The following ST18 variants were observed in gnomAD, a reference collection of about 807,000 sequenced individuals.
The protein encoded by ST18 is suppression of tumorigenicity 18 protein.
Under a neutral mutation model 110.0 loss-of-function variants are expected in ST18, and 50 were observed. The ratio of observed to expected loss-of-function variants is 0.45; its 90% CI spans 0.36 to 0.58. ST18 has a LOEUF of 0.58. ST18 is among the 20% of genes least tolerant of loss of function. The pLI is 0.00. For missense variants in ST18, 1,306 were observed against 1,280.1 expected (o/e 1.02, Z -0.31); for synonymous variants, 461 against 452.4 (o/e 1.02, Z -0.24).
intron 2 of ST18, among the ~76,000 whole-genome samples, chr8:52,318,498 A>G (rs900295587): frequency 4.6e-5 from 7 of 152,202 alleles, no homozygotes; most frequent in Non-Finnish European, 7.3e-5. Flanking sequence ...CAATTCCTCA[A>G]AGACCTAGAG....
intron 2 of ST18, chr8:52,407,241 C>CA (rs1316074830): frequency 6.6e-6 from 1 of 151,930 alleles, no homozygotes; most frequent in Non-Finnish European, 1.5e-5. Context: ...AATGTATGTC[C>CA]AATGTAGAGT....
intron 16 of ST18, among the ~76,000 whole-genome samples, chr8:52,145,678 GTA>G (rs2056998960): frequency 6.6e-6 from 1 of 152,124 alleles, no homozygotes; most frequent in Admixed American, 6.5e-5. Flanking sequence ...AGAGGATGTG[GTA>G]TATATGTGTG....
intron 2 of ST18, among the ~76,000 whole-genome samples, chr8:52,231,154 T>C (rs565554131): frequency 2.0e-5 from 3 of 152,354 alleles, no homozygotes; most frequent in African/African-American, 4.8e-5. Flanking sequence ...TGTATGTGTA[T>C]GTATGCATAT....
chr8:52,371,969 G>A (rs1290788386), intron 2 of ST18, among the ~76,000 whole-genome samples: 2 of 152,104 alleles, frequency 1.3e-5, no homozygotes, highest in African/African-American at 4.8e-5. Flanking sequence ...ATTTTAGAGT[G>A]TACTCCTTCT....
intron 2 of ST18, among the ~76,000 whole-genome samples, chr8:52,380,612 C>A (rs192679157): frequency 6.6e-6 from 1 of 152,198 alleles, no homozygotes; most frequent in East Asian, 1.9e-4. Context: ...AGGCAAATCC[C>A]AATCTCACAG....
chr8:52,250,102 C>T (rs2094170116), intron 2 of ST18, among the ~76,000 whole-genome samples: 1 of 151,956 alleles, frequency 6.6e-6, no homozygotes, highest in African/African-American at 2.4e-5. Flanking sequence ...TGAATGACGA[C>T]AGCTGTCCAT....
chr8:52,348,115 G>T (rs1818556421), intron 2 of ST18, among the ~76,000 whole-genome samples: 1 of 152,058 alleles, frequency 6.6e-6, no homozygotes, highest in African/African-American at 2.4e-5. Context: ...TGGAGGAAAG[G>T]GAAGGAAGAG....
At chr8:52,212,867 A>T (rs560019912) in intron 7 of ST18, among the ~76,000 whole-genome samples, 9 of 152,344 alleles carry the variant, frequency 5.9e-5, no homozygotes, top group African/African-American at 2.2e-4. Context: ...AAATTTAAAA[A>T]AACCCACATT....
chr8:52,240,679 C>T (rs986269091), intron 2 of ST18, among the ~76,000 whole-genome samples: 2 of 152,132 alleles, frequency 1.3e-5, no homozygotes, highest in African/African-American at 2.4e-5. Flanking sequence ...TTTTCAGGGT[C>T]AAACTTCTTA....
intron 2 of ST18, among the ~76,000 whole-genome samples, chr8:52,369,634 C>T (rs1488911043): frequency 1.1e-4 from 17 of 151,996 alleles, no homozygotes. Context: ...ATATGGCAAA[C>T]AATATGGAAT....
intron 2 of ST18, among the ~76,000 whole-genome samples, chr8:52,327,299 A>G (rs1238873455): frequency 6.6e-6 from 1 of 152,138 alleles, no homozygotes; most frequent in East Asian, 1.9e-4. Context: ...TATTTTTCTC[A>G]GTTCTTCTTA....
intron 2 of ST18, among the ~76,000 whole-genome samples, chr8:52,395,853 C>T (rs1305205599): frequency 6.6e-6 from 1 of 152,162 alleles, no homozygotes; most frequent in Non-Finnish European, 1.5e-5. Context: ...CATAATTTAT[C>T]TAAACCTAGA....
chr8:52,235,578 A>G (rs1367736039), intron 2 of ST18, among the ~76,000 whole-genome samples: 1 of 152,230 alleles, frequency 6.6e-6, no homozygotes, highest in South Asian at 2.1e-4. Context: ...TTTAGAGATA[A>G]AACAGTAAAT....
chr8:52,305,271 T>C (rs921325706), intron 2 of ST18, among the ~76,000 whole-genome samples: 9 of 152,198 alleles, frequency 5.9e-5, no homozygotes, highest in African/African-American at 1.2e-4. Context: ...AGCCTTTCAC[T>C]TGGGCTTCCT....
chr8:52,230,679 C>G (rs1243269600), intron 2 of ST18, among the ~76,000 whole-genome samples: 1 of 151,978 alleles, frequency 6.6e-6, no homozygotes, highest in African/African-American at 2.4e-5. Flanking sequence ...TTAAAAAATC[C>G]TTTAATTCTC....
chr8:52,375,321 T>A (rs1227916911), intron 2 of ST18, among the ~76,000 whole-genome samples: 1 of 152,048 alleles, frequency 6.6e-6, no homozygotes, highest in African/African-American at 2.4e-5. Flanking sequence ...CTTCCCCAAA[T>A]CCTCTCTCAA....
chr8:52,153,296 A>AT, intron 15 of ST18, among the ~76,000 whole-genome samples: 1 of 152,260 alleles, frequency 6.6e-6, no homozygotes, highest in South Asian at 2.1e-4. Flanking sequence ...GTCACCTGCC[A>AT]TTTTTTCCCT....
At chr8:52,207,064 A>G (rs1389834575) in intron 8 of ST18, among the ~76,000 whole-genome samples, 2 of 152,228 alleles carry the variant, frequency 1.3e-5, no homozygotes, top group Non-Finnish European at 1.5e-5. Flanking sequence ...AAAAAATTCC[A>G]AAATATTAAA....
chr8:52,158,746 T>C, intron 15 of ST18, 152 bp downstream of exon 15: 1 of 822,986 alleles, frequency 1.2e-6, no homozygotes, highest in Non-Finnish European at 1.9e-6. Flanking sequence ...CATCCCTGCC[T>C]GCGTTCCTCT....
Sources: gnomAD v4.1 joint callset for allele counts (sites outside exome capture counted in the v4.1 genomes callset) on GRCh38, gnomAD v4.1.1 for gene constraint, MANE v1.5 for transcripts, NCBI Gene and HGNC (gene_info 2026-07-23, HGNC 2026-07-21) for gene names.